Variants in CLCN3 observed in about 807,000 individuals in gnomAD.
CLCN3 encodes Cl-/H+ antiporter 3, also known as H(+)/Cl(-) exchange transporter 3.
Under a neutral mutation model 83.4 loss-of-function variants are expected in CLCN3, and 16 were observed. The observed-to-expected ratio is 0.19, with a 90% CI of 0.13 to 0.29. The LOEUF (loss-of-function observed/expected upper bound fraction) is 0.29, where lower values mean the gene tolerates loss of function less well. Ranked by LOEUF, CLCN3 falls within the 10% of genes least tolerant of loss-of-function variation. The probability of loss-of-function intolerance (pLI) is 1.00; values close to 1 mark genes in which losing one functional copy is unlikely to be tolerated. For missense variants in CLCN3, 544 were observed against 1,006.0 expected, an observed-to-expected ratio of 0.54 and a Z score of 6.21; for synonymous variants, 322 against 346.2, an observed-to-expected ratio of 0.93 and a Z score of 0.78.
chr4:169,667,213 A>G (rs2150225506), intron 2 of CLCN3, among the ~76,000 whole-genome samples: 1 of 152,228 alleles, frequency 6.6e-6, no homozygotes, highest in African/African-American at 2.4e-5. Context: ...TTGCACGTGA[A>G]TAGCCAGTTG....
At chr4:169,645,023 G>C (rs1730533258) in intron 2 of CLCN3, among the ~76,000 whole-genome samples, 1 of 152,178 alleles carries the variant, frequency 6.6e-6, no homozygotes, top group Admixed American at 6.5e-5. Flanking sequence ...TAGACTTCTG[G>C]TCTCCAGAAC....
chr4:169,658,536 A>G (rs1365028245), intron 2 of CLCN3, among the ~76,000 whole-genome samples: 2 of 152,106 alleles, frequency 1.3e-5, no homozygotes. Context: ...ATACAATTAT[A>G]TATTTAGAAA....
chr4:169,660,942 A>G (rs1316542054), intron 2 of CLCN3, among the ~76,000 whole-genome samples: 1 of 152,206 alleles, frequency 6.6e-6, no homozygotes, highest in Non-Finnish European at 1.5e-5. Context: ...TTTTAAAATG[A>G]TAGTAAAGAT....
At chr4:169,719,578 A>G (rs553202501) in intron 12 of CLCN3, among the ~76,000 whole-genome samples, 1 of 152,292 alleles carries the variant, frequency 6.6e-6, no homozygotes, top group Non-Finnish European at 1.5e-5. Flanking sequence ...TGGGATCAGT[A>G]TCATTTCCTA....
At chr4:169,629,409 C>G (rs1296949471) in intron 1 of CLCN3, among the ~76,000 whole-genome samples, 1 of 151,946 alleles carries the variant, frequency 6.6e-6, no homozygotes, top group East Asian at 1.9e-4. Flanking sequence ...CTCAGTTGCC[C>G]AGGCTGGAGT....
At chr4:169,704,827 G>T (rs1474062249) in intron 10 of CLCN3, among the ~76,000 whole-genome samples, 1 of 152,092 alleles carries the variant, frequency 6.6e-6, no homozygotes, top group Non-Finnish European at 1.5e-5. Flanking sequence ...ATTAATGGTT[G>T]CCATTTTGAC....
At chr4:169,656,847 T>G (rs1730902575) in intron 2 of CLCN3, among the ~76,000 whole-genome samples, 1 of 152,002 alleles carries the variant, frequency 6.6e-6, no homozygotes, top group Non-Finnish European at 1.5e-5. Flanking sequence ...GAGGCTGAGG[T>G]GAGAGGATCA....
intron 9 of CLCN3, among the ~76,000 whole-genome samples, chr4:169,701,503 A>G (rs1732784316): frequency 6.6e-6 from 1 of 152,096 alleles, no homozygotes; most frequent in African/African-American, 2.4e-5. Context: ...AATGGTGACT[A>G]CTTTTTGAAC....
intron 1 of CLCN3, among the ~76,000 whole-genome samples, chr4:169,626,187 C>T (rs903957158): frequency 6.6e-6 from 1 of 152,188 alleles, no homozygotes; most frequent in African/African-American, 2.4e-5. Context: ...CTCAGAGAAA[C>T]ACTTACCGGT....
intron 12 of CLCN3, among the ~76,000 whole-genome samples, 151 bp from the exon 13 acceptor site, chr4:169,719,754 AAT>A (rs1733562602): frequency 6.6e-6 from 1 of 152,116 alleles, no homozygotes; most frequent in Non-Finnish European, 1.5e-5. Flanking sequence ...GGATAATTTT[AAT>A]ATCTTTACCA....
At chr4:169,621,966 A>C (rs542804538) in intron 1 of CLCN3, among the ~76,000 whole-genome samples, 1 of 152,186 alleles carries the variant, frequency 6.6e-6, no homozygotes, top group Non-Finnish European at 1.5e-5. Flanking sequence ...GTCTTGTTCT[A>C]TAATATGGCT....
intron 9 of CLCN3, among the ~76,000 whole-genome samples, chr4:169,698,347 C>T (rs1338451564): frequency 6.6e-6 from 1 of 152,096 alleles, no homozygotes; most frequent in African/African-American, 2.4e-5. Context: ...AATTCAGACA[C>T]CTGGGCTCCT....
chr4:169,633,961 T>C (rs1174424619), intron 1 of CLCN3, among the ~76,000 whole-genome samples: 1 of 152,152 alleles, frequency 6.6e-6, no homozygotes, highest in Admixed American at 6.5e-5. Flanking sequence ...ATAGTTTTTT[T>C]TTTTTATCTT....
chr4:169,709,167 A>G (rs899147790), intron 11 of CLCN3, among the ~76,000 whole-genome samples: 5 of 149,496 alleles, frequency 3.3e-5, no homozygotes, highest in African/African-American at 1.2e-4. Flanking sequence ...TGTTATATAT[A>G]GTTACATCAT....
intron 7 of CLCN3, 32 bp from the exon 8 acceptor site, chr4:169,695,580 A>T: frequency 2.0e-6 from 3 of 1,477,314 alleles, no homozygotes; most frequent in Non-Finnish European, 2.8e-6. Flanking sequence ...AATTTCTATG[A>T]AATTATGAAA....
chr4:169,681,703 T>C (rs1054287442), intron 3 of CLCN3, among the ~76,000 whole-genome samples: 3 of 152,128 alleles, frequency 2.0e-5, no homozygotes, highest in African/African-American at 7.2e-5. Flanking sequence ...AAACTGAGGA[T>C]TTTAAAAAAA....
At chr4:169,647,978 G>A (rs950546343) in intron 2 of CLCN3, among the ~76,000 whole-genome samples, 2 of 152,166 alleles carry the variant, frequency 1.3e-5, no homozygotes, top group Non-Finnish European at 2.9e-5. Context: ...TGTTTCCAAA[G>A]ACCCATAATC....
At chr4:169,682,962 C>T (rs1451402896) in intron 3 of CLCN3, among the ~76,000 whole-genome samples, 1 of 152,144 alleles carries the variant, frequency 6.6e-6, no homozygotes, top group African/African-American at 2.4e-5. Flanking sequence ...CTCGGGGATC[C>T]TCCAAGGTGC....
At chr4:169,679,100 G>A (rs1246893704) in intron 2 of CLCN3, among the ~76,000 whole-genome samples, 1 of 151,680 alleles carries the variant, frequency 6.6e-6, no homozygotes, top group Non-Finnish European at 1.5e-5. Flanking sequence ...CAGATGGGGC[G>A]GCTGCCGGGC....
Sources: allele counts gnomAD v4.1 joint callset (sites outside exome capture counted in the v4.1 genomes callset), GRCh38; gene constraint gnomAD v4.1.1; transcripts MANE v1.5; gene names NCBI Gene and HGNC (gene_info 2026-07-23, HGNC 2026-07-21).